TANGO2: variants seen among roughly 807,000 people sequenced by gnomAD.
TANGO2 encodes the protein transport and golgi organization 2 homolog.
TANGO2 carries 26 observed loss-of-function variants against 39.1 expected under a neutral mutation model. That is an observed-to-expected ratio of 0.67 (90% CI 0.49 to 0.92). The LOEUF is 0.92. TANGO2 is among the 40% of genes least tolerant of loss of function. TANGO2 has a pLI of 0.00. For synonymous variants in TANGO2, 131 were observed against 144.5 expected (o/e 0.91, Z 0.67); for missense variants, 326 against 360.1 (o/e 0.91, Z 0.77).
chr22:20,030,512 A>G (rs2041652519), intron 1 of TANGO2, among the ~76,000 whole-genome samples: 3 of 152,236 alleles, frequency 2.0e-5, no homozygotes, highest in Admixed American at 2.0e-4. Flanking sequence ...ACGCCCGGCT[A>G]ATTTTTGTAT....
At position 20,036,937 on chromosome 22, in the gene TANGO2, G is replaced by T. The variant is rs769918333; in HGVS notation, c.56+83G>T. 24 of 1,613,912 alleles carry T rather than the reference G, an allele frequency of 1.5e-5. No individual in the cohort carries two copies. The Admixed American group carries it at 4.0e-4, about 27-fold the overall frequency. ...TCTCATGCCACCCAAGCTGCTGTGT[G>T]CAGGAAGGTGTGTGGGCCAGGACGG... is the stretch of plus-strand genomic sequence containing the variant. On this transcript the variant is annotated intron_variant, in intron 2 of 8. Transcript: ENST00000327374.
At chr22:20,056,135 A>C in intron 6 of TANGO2, 122 bp downstream of exon 6, 1 of 838,738 alleles carries the variant, frequency 1.2e-6, no homozygotes, top group Non-Finnish European at 2.0e-6. Flanking sequence ...GTGGCCATTT[A>C]AGTGCCTTAT....
intron 1 of TANGO2, among the ~76,000 whole-genome samples, chr22:20,028,793 G>T (rs1484788915): frequency 6.6e-6 from 1 of 152,226 alleles, no homozygotes; most frequent in Admixed American, 6.5e-5. Context: ...AGGTCTGCCT[G>T]TTCCCCACTG....
At chr22:20,017,555 G>GC, upstream of TANGO2, among the ~76,000 whole-genome samples, 1 of 152,306 alleles carries the variant, frequency 6.6e-6, no homozygotes, top group Admixed American at 6.5e-5. Flanking sequence ...CCCCCATGGG[G>GC]CCGCCCTTTC....
chr22:20,061,689 T>G lies in TANGO2; in HGVS notation c.605+6T>G, dbSNP rs1295395958. 1.3e-6 allele frequency: 2 copies of G among 1,544,796 alleles called. No homozygotes were observed. The highest frequency in any genetic ancestry group is 1.7e-6 in the Non-Finnish European group (2 of 1,143,488). ...GTGCTCAACAATGAAGAGGCGTGAG[T>G]GGGCGGGTCCTGCTGGGGTGAGCCC... On this transcript the variant is annotated splice_donor_region_variant and intron_variant, in intron 7 of 8. Coordinates refer to ENST00000327374, the MANE Select transcript of TANGO2 (RefSeq NM_152906.7).
intron 8 of TANGO2, among the ~76,000 whole-genome samples, chr22:20,063,818 G>A (rs1386126233): frequency 2.0e-5 from 3 of 152,362 alleles, no homozygotes; most frequent in Non-Finnish European, 2.9e-5. Flanking sequence ...ATTGGCAGGT[G>A]CAGGGTGTCA....
intron 3 of TANGO2, among the ~76,000 whole-genome samples, chr22:20,045,311 T>C (rs111315345): frequency 0.06 from 8,973 of 150,644 alleles, 873 homozygotes; most frequent in African/African-American, 0.21. Flanking sequence ...TGGTGGCATA[T>C]GCCTGTTGTC....
intron 6 of TANGO2, chr22:20,056,861 G>A (rs188397848): frequency 7.0e-5 from 32 of 456,614 alleles, no homozygotes; most frequent in African/African-American, 3.6e-4. Context: ...TGGTGGCATC[G>A]TGGAACTCTG....
rs922389639 is a variant in TANGO2 at position 20,051,551 on chromosome 22, A to G, written c.146-914A>G. Among the ~76,000 whole-genome samples, 7 of 150,810 alleles carry G rather than the reference A, an allele frequency of 4.6e-5. No individual in the cohort carries two copies. In the East Asian group the frequency reaches 1.4e-3, roughly 30 times the overall value. On this transcript the variant is annotated intron_variant, in intron 3 of 8. Transcript: ENST00000327374. The stretch of plus-strand genomic sequence containing the variant: ...TGTCTCAAAAAGTAATAATAACAAT[A>G]ATAAATAAAATAACATCCTAGCCAG...
At chr22:20,059,808 CTTTT>C (rs1291897722) in intron 6 of TANGO2, among the ~76,000 whole-genome samples, 1 of 151,494 alleles carries the variant, frequency 6.6e-6, no homozygotes, top group African/African-American at 2.4e-5. Context: ...ATGTCTCTCT[CTTTT>C]TTTTTCTTTT....
chr22:20,051,799 G>A (rs1054768416), intron 3 of TANGO2, among the ~76,000 whole-genome samples: 3 of 152,184 alleles, frequency 2.0e-5, no homozygotes, highest in African/African-American at 2.4e-5. Context: ...GCAGTGAACT[G>A]TGTGATTGCC....
At chr22:20,018,084 C>G (rs1945329035), upstream of TANGO2, among the ~76,000 whole-genome samples, 1 of 152,220 alleles carries the variant, frequency 6.6e-6, no homozygotes, top group Non-Finnish European at 1.5e-5. Context: ...CATTCCTTGG[C>G]CAGGACAAAG....
chr22:20,024,496 C>T (rs2040351648), intron 1 of TANGO2, among the ~76,000 whole-genome samples: 2 of 152,216 alleles, frequency 1.3e-5, no homozygotes, highest in Admixed American at 6.5e-5. Flanking sequence ...TGGGGGCTGC[C>T]ACCGCTGATG....
chr22:20,020,163 C>T (rs1472868126), upstream of TANGO2, among the ~76,000 whole-genome samples: 4 of 152,218 alleles, frequency 2.6e-5, no homozygotes, highest in Non-Finnish European at 5.9e-5. Context: ...CTCCAAGTCT[C>T]AGTGTTTACA....
chr22:20,065,947 A>G lies in TANGO2; in HGVS notation c.*1285A>G, dbSNP rs1414483194. ...GCGCATTTCGAGGCCTTTCCCTTGT[A>G]TGCAGGGTGCCAGTGGGAGCTGCTA... On this transcript the variant is annotated 3_prime_UTR_variant, in exon 9 of 9. Transcript: ENST00000327374. The G allele has an allele frequency of 1.3e-5, 2 of 152,312 alleles. No individual in the cohort carries two copies. The highest frequency in any genetic ancestry group is 2.9e-5 in the Non-Finnish European group (2 of 68,110). 9.4% of individuals were successfully genotyped at this position (152,312 alleles called of 1,614,324 possible). A position where few individuals can be genotyped will look rare whatever the true frequency, so the allele number is the denominator to read the frequency against.
intron 1 of TANGO2, among the ~76,000 whole-genome samples, chr22:20,033,653 T>C (rs1378789670): frequency 2.6e-5 from 4 of 152,236 alleles, no homozygotes; most frequent in South Asian, 2.1e-4. Context: ...CTCCAGTGAC[T>C]GCAGCCAGGG....
intron 1 of TANGO2, among the ~76,000 whole-genome samples, chr22:20,023,865 A>G (rs1336184182): frequency 6.7e-6 from 1 of 149,234 alleles, no homozygotes. Flanking sequence ...CTCAAAAAAA[A>G]AAAAAGAAAA....
At position 20,061,512 on chromosome 22, in the gene TANGO2, G is replaced by A. The variant is rs1158601732; in HGVS notation, c.452-18G>A. 1 of 1,590,518 alleles carries A rather than the reference G, an allele frequency of 6.3e-7. No homozygotes were observed. Among genetic ancestry groups the A allele is most frequent in the Non-Finnish European group, 8.6e-7 (1 of 1,168,114 alleles). ...GCACAGCAGGGCCTCTGCATGGCCC[G>A]CTGATTGCTCCTCACAGGCACCTAC... On this transcript the variant is annotated intron_variant, in intron 6 of 8. Transcript: ENST00000327374.
intron 2 of TANGO2, among the ~76,000 whole-genome samples, chr22:20,039,839 C>T (rs1437047241): frequency 2.7e-5 from 4 of 150,134 alleles, no homozygotes; most frequent in African/African-American, 9.8e-5. Flanking sequence ...CACACTCACC[C>T]CCCGGCAGAA....
Sources: gnomAD v4.1 joint callset for allele counts (sites outside exome capture counted in the v4.1 genomes callset) on GRCh38, gnomAD v4.1.1 for gene constraint, MANE v1.5 for transcripts, NCBI Gene and HGNC (gene_info 2026-07-23, HGNC 2026-07-21) for gene names.